DYRK1A: variants seen among roughly 807,000 people sequenced by gnomAD.
DYRK1A encodes dual specificity tyrosine phosphorylation regulated kinase 1A, also known as dual specificity tyrosine-phosphorylation-regulated kinase 1A.
A neutral mutation model predicts 79.7 loss-of-function variants in DYRK1A; 9 were observed. The observed-to-expected ratio is 0.11, with a 90% CI of 0.07 to 0.20. The LOEUF (loss-of-function observed/expected upper bound fraction) is 0.20, where lower values mean the gene tolerates loss of function less well. DYRK1A is among the 10% of genes least tolerant of loss of function. The pLI is 1.00. For missense variants in DYRK1A, 622 were observed against 956.0 expected, an observed-to-expected ratio of 0.65 and a Z score of 4.61; for synonymous variants, 349 against 329.7, an observed-to-expected ratio of 1.06 and a Z score of -0.63.
upstream of DYRK1A, among the ~76,000 whole-genome samples, chr21:37,366,467 C>T (rs1378165147): frequency 6.7e-6 from 1 of 148,656 alleles, no homozygotes; most frequent in Non-Finnish European, 1.5e-5. Flanking sequence ...CTGGCCGCCG[C>T]CTCGCCCCCC....
rs2148675820 is a variant in DYRK1A at position 37,521,430 on chromosome 21, T to A, written c.*8899T>A. 6.6e-6 allele frequency: 1 copy of A among 152,356 alleles called. No homozygotes were observed. Among genetic ancestry groups the A allele is most frequent in the African/African-American group, 2.4e-5 (1 of 41,580 alleles). 9.4% of individuals were successfully genotyped at this position (152,356 alleles called of 1,614,324 possible). A position where few individuals can be genotyped will look rare whatever the true frequency, so the allele number is the denominator to read the frequency against. ...GCAAACGGTCTTGGGACAGCTGGTG[T>A]GAGAACTATATAAGAGAAATCAACA... On this transcript the variant is annotated 3_prime_UTR_variant, in exon 12 of 12. Transcript: ENST00000647188.
intron 9 of DYRK1A, among the ~76,000 whole-genome samples, chr21:37,499,014 T>G (rs777597965): frequency 3.3e-5 from 5 of 152,146 alleles, no homozygotes; most frequent in Non-Finnish European, 4.4e-5. Context: ...CCTTTGTCAT[T>G]AAGTTTTTTG....
At chr21:37,368,488 C>T (rs973807907) in intron 1 of DYRK1A, among the ~76,000 whole-genome samples, 2 of 152,178 alleles carry the variant, frequency 1.3e-5, no homozygotes, top group African/African-American at 4.8e-5. Flanking sequence ...GCCTTTCGCC[C>T]AACCCTAGGT....
rs559421673 is a variant in DYRK1A at position 37,476,439 on chromosome 21, G to A, written c.208-1769G>A. Among the ~76,000 whole-genome samples the A allele has an allele frequency of 2.6e-5, 4 of 152,266 alleles. No homozygotes were observed. The East Asian group carries it at 7.7e-4, about 29-fold the overall frequency. On this transcript the variant is annotated intron_variant, in intron 3 of 11. Coordinates refer to ENST00000647188, the MANE Select transcript of DYRK1A (RefSeq NM_001347721.2). ...ATACTTCCTGTCAACTTTTATTATA[G>A]CAGTAATGAAGCATTGCACTGATTC... is the stretch of plus-strand genomic sequence containing the variant.
At chr21:37,509,286 T>C (rs2053686651) in intron 11 of DYRK1A, among the ~76,000 whole-genome samples, 1 of 152,234 alleles carries the variant, frequency 6.6e-6, no homozygotes, top group African/African-American at 2.4e-5. Context: ...GCAAACGCTT[T>C]CAGAACATCT....
intron 2 of DYRK1A, among the ~76,000 whole-genome samples, chr21:37,441,682 C>T (rs887987545): frequency 5.9e-5 from 9 of 152,072 alleles, no homozygotes; most frequent in African/African-American, 2.2e-4. Flanking sequence ...CTACTACTGT[C>T]CTTTTTACTG....
chr21:37,477,744 C>T (rs1313363476), intron 3 of DYRK1A, among the ~76,000 whole-genome samples: 7 of 152,228 alleles, frequency 4.6e-5, no homozygotes, highest in African/African-American at 1.7e-4. Context: ...TTGGTGCCAG[C>T]TGGGTCCTGA....
At chr21:37,493,768 TTTTG>T (rs766347339) in intron 8 of DYRK1A, among the ~76,000 whole-genome samples, 4 of 152,058 alleles carry the variant, frequency 2.6e-5, no homozygotes, top group African/African-American at 4.8e-5. Context: ...ACCTGTGGGG[TTTTG>T]TTTGTTTTTT....
chr21:37,370,215 C>G (rs989506954), intron 1 of DYRK1A, among the ~76,000 whole-genome samples: 1 of 151,840 alleles, frequency 6.6e-6, no homozygotes, highest in Non-Finnish European at 1.5e-5. Context: ...TATACAGTGA[C>G]CTTTGGCATG....
At chr21:37,491,932 C>T (rs2053110657) in intron 7 of DYRK1A, among the ~76,000 whole-genome samples, 1 of 152,202 alleles carries the variant, frequency 6.6e-6, no homozygotes, top group Admixed American at 6.5e-5. Context: ...AATAGACCTG[C>T]AGTGGTCCTG....
Position 37,496,221 on chromosome 21 carries a change from G to A in DYRK1A, c.1175G>A (p.Gly392Asp). 2 of 1,613,992 alleles carry A rather than the reference G, an allele frequency of 1.2e-6. No individual in the cohort carries two copies. The highest frequency in any genetic ancestry group is 1.7e-6 in the Non-Finnish European group (2 of 1,179,946). The change falls in exon 9 of 12, where the codon GGC becomes GAC. Residue 392 changes from glycine to aspartate, a missense_variant. Physicochemically the swap from Gly to Asp is moderately conservative, Grantham distance 94. Transcript: ENST00000647188. ...AAGTTCTTTGAGAAGTTGCCAGATG[G>A]CACTTGGAACTTAAAGAAGACCAAA... Reference protein sequence around the residue: ...ARKFFEKLPDGTWNLKKTKDG... With the variant: ...ARKFFEKLPDDTWNLKKTKDG...
In DYRK1A at chr21:37,516,854, TAGG is replaced by T. The variant is rs1424478131; in HGVS notation, c.*4326_*4328del. ...ATTTCTAATTTCCTACTTTAAATCT[TAGG>T]AGACAAAGTGTTTCTCCAACTGGAC... On this transcript the variant is annotated 3_prime_UTR_variant, in exon 12 of 12. Transcript: ENST00000647188. 2.6e-5 allele frequency: 4 copies of T among 152,210 alleles called. No individual in the cohort carries two copies. Among genetic ancestry groups the T allele is most frequent in the Non-Finnish European group, 4.4e-5 (3 of 68,030 alleles). 9.4% of individuals were successfully genotyped at this position (152,210 alleles called of 1,614,324 possible). A position where few individuals can be genotyped will look rare whatever the true frequency, so the allele number is the denominator to read the frequency against.
intron 2 of DYRK1A, among the ~76,000 whole-genome samples, chr21:37,458,734 A>C (rs527824921): frequency 6.6e-6 from 1 of 152,302 alleles, no homozygotes; most frequent in South Asian, 2.1e-4. Flanking sequence ...TGTTTTGTAA[A>C]TGAATATGCT....
rs970921237 is a variant in DYRK1A, at chr21:37,524,469, A to G, written c.*11938A>G. On this transcript the variant is annotated 3_prime_UTR_variant, in exon 12 of 12. Transcript: ENST00000647188. ...GTTTCAGATGGCTCATTTGTTAGCC[A>G]AGCAAGGAAAGTCACTTATGGTGAA... 6.6e-6 allele frequency: 1 copy of G among 152,260 alleles called. No homozygotes were observed. The highest frequency in any genetic ancestry group is 1.5e-5 in the Non-Finnish European group (1 of 68,040). The allele number at this position is 152,260 out of a possible 1,614,324, so 9.4% of individuals were successfully genotyped here.
intron 3 of DYRK1A, 80 bp from the exon 4 acceptor site, chr21:37,478,128 A>AG: frequency 6.3e-7 from 1 of 1,585,840 alleles, no homozygotes. Flanking sequence ...AGGTTACAGA[A>AG]GAGGGAATTT....
chr21:37,401,368 G>A (rs2050049506), intron 1 of DYRK1A, among the ~76,000 whole-genome samples: 6 of 151,494 alleles, frequency 4.0e-5, no homozygotes, highest in Admixed American at 3.3e-4. Context: ...TTTAATATTT[G>A]ATTTTTTTTC....
rs1301768241 is a variant in DYRK1A at position 37,524,260 on chromosome 21, T to C, written c.*11729T>C. 6.8e-6 allele frequency: 1 copy of C among 146,246 alleles called. No homozygotes were observed. Among genetic ancestry groups the C allele is most frequent in the South Asian group, 2.1e-4 (1 of 4,676 alleles). 9.1% of individuals were successfully genotyped at this position (146,246 alleles called of 1,614,324 possible). ...TTGGGTGGTATAGTGAGACCCCCCA[T>C]CTCCACAAAAAGTAAAAAAAAACCA... On this transcript the variant is annotated 3_prime_UTR_variant, in exon 12 of 12. Coordinates refer to ENST00000647188, the MANE Select transcript of DYRK1A (RefSeq NM_001347721.2).
At chr21:37,391,350 T>G (rs921809024) in intron 1 of DYRK1A, among the ~76,000 whole-genome samples, 2 of 152,228 alleles carry the variant, frequency 1.3e-5, no homozygotes, top group African/African-American at 4.8e-5. Flanking sequence ...TGTGGCTTCC[T>G]TTAGTCTCCT....
intron 7 of DYRK1A, among the ~76,000 whole-genome samples, chr21:37,491,165 C>T (rs2053080245): frequency 1.3e-5 from 2 of 152,144 alleles, no homozygotes; most frequent in Middle Eastern, 3.4e-3. Flanking sequence ...TTTTTTCAGA[C>T]TGCTAAAAAC....
Sources: gnomAD v4.1 joint callset for allele counts (sites outside exome capture counted in the v4.1 genomes callset) on GRCh38, gnomAD v4.1.1 for gene constraint, MANE v1.5 for transcripts, NCBI Gene and HGNC (gene_info 2026-07-23, HGNC 2026-07-21) for gene names.